Variants in IRAK2 observed in about 807,000 individuals in gnomAD.
IRAK2 encodes interleukin 1 receptor associated kinase 2, also known as interleukin-1 receptor-associated kinase-like 2.
In IRAK2, 57 loss-of-function variants were observed where a neutral mutation model predicts 72.0. That is an observed-to-expected ratio of 0.79 (90% CI 0.64 to 0.99). The LOEUF (loss-of-function observed/expected upper bound fraction) is 0.99, where lower values mean the gene tolerates loss of function less well. Among genes scored for constraint, IRAK2 ranks in the 50% least tolerant of loss-of-function variants. IRAK2 has a pLI of 0.00. For synonymous variants in IRAK2, 293 were observed against 312.7 expected (o/e 0.94, Z 0.67); for missense variants, 790 against 794.4 (o/e 0.99, Z 0.07).
chr3:10,176,437 A>C lies in IRAK2; in HGVS notation c.95-1401A>C, dbSNP rs543229263. ...CATCTCAGCCTCCTGAGTAGCTAGG[A>C]CTACAGATGCATGCCACCATGCCTG... On this transcript the variant is annotated intron_variant, in intron 1 of 12. Coordinates refer to ENST00000256458, the MANE Select transcript of IRAK2 (RefSeq NM_001570.4). 2.6e-5 allele frequency among the ~76,000 whole-genome samples: 4 copies of C among 152,020 alleles called. 1 individual carries two copies. In the South Asian group the frequency reaches 8.3e-4, roughly 32 times the overall value.
chr3:10,236,346 T>G (rs1486234510), intron 11 of IRAK2, among the ~76,000 whole-genome samples: 1 of 134,114 alleles, frequency 7.5e-6, no homozygotes, highest in Non-Finnish European at 1.5e-5. Context: ...ACTAAGGTTT[T>G]TTTTTTTTTT....
At chr3:10,189,391 G>A (rs757112335) in intron 2 of IRAK2, among the ~76,000 whole-genome samples, 21 of 152,340 alleles carry the variant, frequency 1.4e-4, no homozygotes, top group East Asian at 1.9e-4. Context: ...TGCTTTCACC[G>A]GAGAGTGAAG....
At chr3:10,234,822 G>A (rs1697927227) in intron 11 of IRAK2, among the ~76,000 whole-genome samples, 163 bp downstream of exon 11, 1 of 152,228 alleles carries the variant, frequency 6.6e-6, no homozygotes, top group African/African-American at 2.4e-5. Context: ...GTGTAGGGAT[G>A]GATAGTGCGG....
chr3:10,170,826 G>A lies in IRAK2; in HGVS notation c.94+5778G>A, dbSNP rs141827712. 5.9e-3 allele frequency among the ~76,000 whole-genome samples: 894 copies of A among 152,308 alleles called. 15 individuals are homozygous for A. The highest frequency in any genetic ancestry group is 0.02 in the African/African-American group (851 of 41,556). On this transcript the variant is annotated intron_variant, in intron 1 of 12. Coordinates refer to ENST00000256458, the MANE Select transcript of IRAK2 (RefSeq NM_001570.4). The stretch of plus-strand genomic sequence containing the variant: ...CTTCCTACACTGGATCAGAGCCAGC[G>A]GTGCCTCCGGCCCACTGCTCCTCGC...
intron 10 of IRAK2, among the ~76,000 whole-genome samples, chr3:10,232,211 ATAGACTAGGTCAT>A (rs1697872658): frequency 6.6e-6 from 1 of 152,246 alleles, no homozygotes; most frequent in African/African-American, 2.4e-5. Flanking sequence ...GGATTTTTGC[ATAGACTAGGTCAT>A]TTGCCCTATG....
intron 2 of IRAK2, among the ~76,000 whole-genome samples, 163 bp downstream of exon 2, chr3:10,178,183 T>G (rs1251848521): frequency 6.6e-6 from 1 of 152,104 alleles, no homozygotes; most frequent in Non-Finnish European, 1.5e-5. Flanking sequence ...ACAGGCCAGG[T>G]GCGGTGGCTC....
intron 8 of IRAK2, among the ~76,000 whole-genome samples, chr3:10,221,101 T>G (rs1697680889): frequency 6.8e-6 from 1 of 147,152 alleles, no homozygotes; most frequent in Non-Finnish European, 1.5e-5. Flanking sequence ...GCTAAAAAAG[T>G]TTTTTTTTTG....
intron 7 of IRAK2, among the ~76,000 whole-genome samples, chr3:10,217,315 T>C (rs1463451909): frequency 1.3e-5 from 2 of 151,978 alleles, no homozygotes; most frequent in Admixed American, 6.6e-5. Context: ...AAAGAAAAGC[T>C]CAAAAAGATC....
intron 1 of IRAK2, among the ~76,000 whole-genome samples, chr3:10,175,378 C>T (rs982940989): frequency 5.3e-5 from 8 of 152,134 alleles, no homozygotes; most frequent in Non-Finnish European, 8.8e-5. Flanking sequence ...CCACCTGCCT[C>T]AGCCTCCCAA....
At chr3:10,211,195 T>C (rs1295122381) in intron 4 of IRAK2, among the ~76,000 whole-genome samples, 1 of 151,914 alleles carries the variant, frequency 6.6e-6, no homozygotes, top group African/African-American at 2.4e-5. Context: ...TCTCCCTCTG[T>C]TGCCCAGGCT....
chr3:10,191,809 C>A (rs933486587), intron 2 of IRAK2, among the ~76,000 whole-genome samples: 14 of 152,174 alleles, frequency 9.2e-5, no homozygotes, highest in African/African-American at 2.9e-4. Context: ...AATTAGATGT[C>A]TTTTATTTAA....
At chr3:10,201,987 C>T (rs1392994820) in intron 3 of IRAK2, among the ~76,000 whole-genome samples, 1 of 152,216 alleles carries the variant, frequency 6.6e-6, no homozygotes, top group Admixed American at 6.5e-5. Flanking sequence ...ATAATAGACC[C>T]TATTTCATCA....
At chr3:10,167,858 G>T (rs964278888) in intron 1 of IRAK2, among the ~76,000 whole-genome samples, 1 of 152,206 alleles carries the variant, frequency 6.6e-6, no homozygotes, top group Non-Finnish European at 1.5e-5. Context: ...AAGATTTTGT[G>T]CAGTGGTGCA....
At chr3:10,232,880 A>C (rs767562326) in intron 10 of IRAK2, among the ~76,000 whole-genome samples, 10 of 152,228 alleles carry the variant, frequency 6.6e-5, no homozygotes, top group Non-Finnish European at 1.3e-4. Flanking sequence ...CCTGGGCAAC[A>C]TAATGAGACT....
chr3:10,192,023 A>AGTGTGTGT (rs56802078), intron 2 of IRAK2, among the ~76,000 whole-genome samples: 1,921 of 135,768 alleles, frequency 0.014, 43 homozygotes, highest in African/African-American at 0.042. Context: ...TTGAGTTGGG[A>AGTGTGTGT]GTGTGTGTGT....
At chr3:10,198,331 T>C (rs1305845363) in intron 2 of IRAK2, among the ~76,000 whole-genome samples, 1 of 152,250 alleles carries the variant, frequency 6.6e-6, no homozygotes, top group Non-Finnish European at 1.5e-5. Context: ...ATTCCCGATG[T>C]CTCCCCAACT....
chr3:10,232,512 C>G (rs1351425097), intron 10 of IRAK2, among the ~76,000 whole-genome samples: 2 of 152,172 alleles, frequency 1.3e-5, no homozygotes, highest in Non-Finnish European at 2.9e-5. Context: ...TCAGGTGGAG[C>G]TGCCGACTCC....
intron 11 of IRAK2, among the ~76,000 whole-genome samples, chr3:10,235,732 A>G (rs903172708): frequency 1.3e-5 from 2 of 152,168 alleles, no homozygotes; most frequent in African/African-American, 4.8e-5. Flanking sequence ...CCACTGCTGT[A>G]GCCCAAGCCT....
At chr3:10,229,002 T>C (rs1002762918) in intron 10 of IRAK2, among the ~76,000 whole-genome samples, 5 of 151,792 alleles carry the variant, frequency 3.3e-5, no homozygotes, top group Non-Finnish European at 5.9e-5. Flanking sequence ...GGCGTGATCT[T>C]GGCTCACTGC....
Sources: allele counts gnomAD v4.1 joint callset (sites outside exome capture counted in the v4.1 genomes callset), GRCh38; gene constraint gnomAD v4.1.1; transcripts MANE v1.5; gene names NCBI Gene and HGNC (gene_info 2026-07-23, HGNC 2026-07-21).